The following GLYAT variants were observed in gnomAD, a reference collection of about 807,000 sequenced individuals.
GLYAT encodes the protein glycine-N-acyltransferase, also known as glycine N-acyltransferase.
A neutral mutation model predicts 22.8 loss-of-function variants in GLYAT; 25 were observed. The observed-to-expected ratio is 1.09, with a 90% CI of 0.80 to 1.53. The LOEUF is 1.53. Among genes scored for constraint, GLYAT ranks in the 40% most tolerant of loss-of-function variants. The probability of loss-of-function intolerance (pLI) is 0.00; values close to 1 mark genes in which losing one functional copy is unlikely to be tolerated. For synonymous variants in GLYAT, 140 were observed against 122.7 expected, an observed-to-expected ratio of 1.14 and a Z score of -0.93; for missense variants, 411 against 353.9, an observed-to-expected ratio of 1.16 and a Z score of -1.29.
At chr11:58,716,250 T>C (rs369233832) in intron 2 of GLYAT, among the ~76,000 whole-genome samples, 18 of 152,224 alleles carry the variant, frequency 1.2e-4, no homozygotes, top group African/African-American at 3.9e-4. Flanking sequence ...GATGTCAGCA[T>C]AGATCTCGTG....
At chr11:58,720,071 C>T (rs1856730228) in intron 2 of GLYAT, among the ~76,000 whole-genome samples, 1 of 151,750 alleles carries the variant, frequency 6.6e-6, no homozygotes, top group African/African-American at 2.4e-5. Context: ...CCTAAAAAAA[C>T]CTTTGTTAAA....
chr11:58,712,031 G>A (rs1015110148), intron 4 of GLYAT, among the ~76,000 whole-genome samples: 11 of 152,192 alleles, frequency 7.2e-5, no homozygotes, highest in African/African-American at 2.2e-4. Context: ...GAGTGAGGCC[G>A]TGTAAGAGCA....
intron 1 of GLYAT, among the ~76,000 whole-genome samples, chr11:58,731,457 G>A (rs909273392): frequency 2.0e-5 from 3 of 152,104 alleles, no homozygotes; most frequent in African/African-American, 7.2e-5. Flanking sequence ...TTTTCCTTGA[G>A]CATAGTTGTC....
Position 58,724,580 on chromosome 11 carries a change from A to G in GLYAT, c.-15-69T>C, listed in dbSNP as rs559143748. The G allele has an allele frequency of 4.8e-4, 360 of 745,364 alleles. No individual in the cohort carries two copies. In the African/African-American group the frequency reaches 7.2e-3, roughly 15 times the overall value. The allele number at this position is 745,364 out of a possible 1,614,324, so 46.2% of individuals were successfully genotyped here. A position where few individuals can be genotyped will look rare whatever the true frequency, so the allele number is the denominator to read the frequency against. On this transcript the variant is annotated intron_variant, in intron 1 of 5. Coordinates refer to ENST00000344743, the MANE Select transcript of GLYAT (RefSeq NM_201648.3). Reference sequence around the variant, plus strand: ...AGGAGATTCTGAAACAAGAGTAGCAAGTTCTTTATTAATGACCAGGTTTTT... The same window carrying G: ...AGGAGATTCTGAAACAAGAGTAGCAGGTTCTTTATTAATGACCAGGTTTTT...
At chr11:58,715,866 A>G (rs540519846) in intron 2 of GLYAT, among the ~76,000 whole-genome samples, 1 of 152,278 alleles carries the variant, frequency 6.6e-6, no homozygotes, top group South Asian at 2.1e-4. Flanking sequence ...CACTCAAATA[A>G]ATAATTCTTT....
In GLYAT at chr11:58,724,481, G is replaced by A. The variant is rs202138243; in HGVS notation, c.16C>T (p.Gln6Ter). Residue 6 changes from glutamine (Q) to a stop codon, truncating the protein, a stop_gained, in exon 2 of 6, where the codon CAA becomes TAA. Transcript: ENST00000344743. LOFTEE classifies it high-confidence loss of function. ...AGCATCTGCAGCATCTGGGCACCTT[G>A]CAATGGTAACATCATGGAGGATACC... is the stretch of plus-strand genomic sequence containing the variant. The part of the protein sequence containing the change: MMLPL[Q>*]GAQMLQMLEK... The A allele has an allele frequency of 1.9e-6, 3 of 1,604,114 alleles. No individual in the cohort carries two copies. In the South Asian group the frequency reaches 3.3e-5, roughly 18 times the overall value.
In GLYAT at chr11:58,708,934, AC is replaced by A. The variant is rs542374726; in HGVS notation, c.*831del. On this transcript the variant is annotated 3_prime_UTR_variant, in exon 6 of 6. Transcript: ENST00000344743. ...GTTCATGCTGTCTCCTCTCCCTTCA[AC>A]TCCTATCTCTCCTCAATAAACCATC... 5.6e-4 allele frequency: 85 copies of A among 151,940 alleles called. No individual in the cohort carries two copies. Among genetic ancestry groups the A allele is most frequent in the African/African-American group, 1.9e-3 (79 of 41,446 alleles). The allele number at this position is 151,940 out of a possible 1,614,324, so 9.4% of individuals were successfully genotyped here.
chr11:58,721,866 A>G (rs1161723340), intron 2 of GLYAT, among the ~76,000 whole-genome samples: 1 of 151,868 alleles, frequency 6.6e-6, no homozygotes, highest in Non-Finnish European at 1.5e-5. Flanking sequence ...CTCATAATTT[A>G]GAGTTCTCCT....
intron 2 of GLYAT, among the ~76,000 whole-genome samples, chr11:58,719,578 C>A (rs1445504371): frequency 6.6e-6 from 1 of 151,878 alleles, no homozygotes; most frequent in Non-Finnish European, 1.5e-5. Context: ...CCATGATAGT[C>A]CCTGGGCCTT....
chr11:58,723,704 T>C (rs1407600552), intron 2 of GLYAT, among the ~76,000 whole-genome samples: 1 of 152,060 alleles, frequency 6.6e-6, no homozygotes, highest in African/African-American at 2.4e-5. Flanking sequence ...ATTTGGTTGC[T>C]AAATATATAC....
Position 58,721,184 on chromosome 11 carries a change from G to A in GLYAT, c.81+3232C>T, listed in dbSNP as rs190850161. On this transcript the variant is annotated intron_variant, in intron 2 of 5. Coordinates refer to ENST00000344743, the MANE Select transcript of GLYAT (RefSeq NM_201648.3). ...TTCTATCTTAGAATTTCAGATTCTT[G>A]GTAACCTGTTTCAAAACCCTAGGCA... 5.1e-3 allele frequency among the ~76,000 whole-genome samples: 767 copies of A among 151,474 alleles called. 8 individuals carry two copies. Among genetic ancestry groups the A allele is most frequent in the African/African-American group, 0.018 (734 of 41,354 alleles).
intron 2 of GLYAT, among the ~76,000 whole-genome samples, chr11:58,722,099 C>T (rs910524611): frequency 6.6e-6 from 1 of 151,936 alleles, no homozygotes; most frequent in African/African-American, 2.4e-5. Flanking sequence ...ATAATTTGAC[C>T]AAATTTGGGG....
At chr11:58,712,669 T>C (rs978985806) in intron 4 of GLYAT, 91 bp downstream of exon 4, 15 of 1,086,452 alleles carry the variant, frequency 1.4e-5, no homozygotes, top group Non-Finnish European at 2.1e-5. Context: ...AGGCTGGGAG[T>C]CTGGAGCTTG....
chr11:58,726,065 G>A (rs1252275402), intron 1 of GLYAT, among the ~76,000 whole-genome samples: 1 of 152,102 alleles, frequency 6.6e-6, no homozygotes, highest in Non-Finnish European at 1.5e-5. Flanking sequence ...ACCATTTTCA[G>A]GTTTGGTTTT....
intron 2 of GLYAT, among the ~76,000 whole-genome samples, chr11:58,722,435 A>G (rs1165154568): frequency 6.6e-6 from 1 of 152,084 alleles, no homozygotes; most frequent in Non-Finnish European, 1.5e-5. Context: ...GCCTCGATCA[A>G]TATATGTAAG....
intron 2 of GLYAT, among the ~76,000 whole-genome samples, chr11:58,718,208 T>C (rs1175804845): frequency 1.3e-5 from 2 of 152,122 alleles, no homozygotes; most frequent in Non-Finnish European, 1.5e-5. Context: ...ATTGCACTTA[T>C]GCAAATAAAT....
chr11:58,718,130 C>A (rs57987309), intron 2 of GLYAT, among the ~76,000 whole-genome samples: 3 of 152,006 alleles, frequency 2.0e-5, no homozygotes, highest in Non-Finnish European at 4.4e-5. Context: ...TAAAGGAAAG[C>A]AGTTAAAGCC....
intron 1 of GLYAT, among the ~76,000 whole-genome samples, chr11:58,731,083 A>C (rs1195038684): frequency 6.6e-6 from 1 of 152,186 alleles, no homozygotes; most frequent in Non-Finnish European, 1.5e-5. Flanking sequence ...ACTGTTGTAG[A>C]TTAAATCTTT....
chr11:58,712,533 C>T (rs923089586), intron 4 of GLYAT, among the ~76,000 whole-genome samples: 6 of 152,102 alleles, frequency 3.9e-5, no homozygotes, highest in African/African-American at 1.4e-4. Flanking sequence ...TGTCATAAAT[C>T]CTTGGTACCA....
Sources: gnomAD v4.1 joint callset for allele counts (sites outside exome capture counted in the v4.1 genomes callset) on GRCh38, gnomAD v4.1.1 for gene constraint, MANE v1.5 for transcripts, NCBI Gene and HGNC (gene_info 2026-07-23, HGNC 2026-07-21) for gene names.